Variants in NSRP1 observed in about 807,000 individuals in gnomAD.
NSRP1 encodes coiled-coil domain containing 55.
A neutral mutation model predicts 54.7 loss-of-function variants in NSRP1; 24 were observed. The ratio of observed to expected loss-of-function variants is 0.44; its 90% CI spans 0.32 to 0.62. The LOEUF (loss-of-function observed/expected upper bound fraction) is 0.62, where lower values mean the gene tolerates loss of function less well. Ranked by LOEUF, NSRP1 falls within the 20% of genes least tolerant of loss-of-function variation. NSRP1 has a pLI of 0.06. For missense variants in NSRP1, 596 were observed against 651.2 expected, an observed-to-expected ratio of 0.92 and a Z score of 0.92; for synonymous variants, 210 against 213.8, an observed-to-expected ratio of 0.98 and a Z score of 0.15.
chr17:30,171,934 T>A (rs1031041468), intron 2 of NSRP1, among the ~76,000 whole-genome samples: 50 of 113,418 alleles, frequency 4.4e-4, no homozygotes, highest in East Asian at 1.4e-3. Context: ...TCCCCATTTC[T>A]CACACACACA....
At chr17:30,177,664 C>T (rs1455262722) in intron 3 of NSRP1, among the ~76,000 whole-genome samples, 2 of 152,094 alleles carry the variant, frequency 1.3e-5, no homozygotes, top group Admixed American at 6.5e-5. Context: ...GTGTTTCCAT[C>T]GTACCTTTTG....
At position 30,184,971 on chromosome 17, in the gene NSRP1, C is replaced by T. The variant is rs1905463131; in HGVS notation, c.974C>T (p.Ser325Phe). ...GAAGATCAGCACCAGCAGAAGCAAT[C>T]CAGAGACCAAGAGAACCATTACACT... is the stretch of plus-strand genomic sequence containing the variant. ...KREDQHQQKQ[S>F]RDQENHYTDR... The change falls in exon 7 of 7, where the codon TCC becomes TTC. Residue 325 changes from serine (S) to phenylalanine (F), a missense_variant. Transcript: ENST00000247026. 6.2e-7 allele frequency: 1 copy of T among 1,613,978 alleles called. No individual in the cohort carries two copies. The highest frequency in any genetic ancestry group is 8.5e-7 in the Non-Finnish European group (1 of 1,179,976).
chr17:30,162,394 T>C (rs1251470879), intron 2 of NSRP1, among the ~76,000 whole-genome samples: 1 of 152,200 alleles, frequency 6.6e-6, no homozygotes, highest in Non-Finnish European at 1.5e-5. Flanking sequence ...TATTACATAA[T>C]GAAAATGTTA....
rs35278495 is a variant in NSRP1, at chr17:30,173,206, C to T, written c.171+608C>T. ...CTGGAACCCGTGACCTCAGGTGATC[C>T]GCCAACCTCAGCCTCCTGAAGTGCT... On this transcript the variant is annotated intron_variant, in intron 3 of 6. Coordinates refer to ENST00000247026, the MANE Select transcript of NSRP1 (RefSeq NM_032141.4). Among the ~76,000 whole-genome samples the T allele has an allele frequency of 7.5e-3, 1,139 of 152,264 alleles. 54 individuals are homozygous for T. Among genetic ancestry groups the T allele is most frequent in the Admixed American group, 0.067 (1,026 of 15,292 alleles).
chr17:30,163,187 TTTTGTGTG>T (rs1352756184), intron 2 of NSRP1: 4 of 124,446 alleles, frequency 3.2e-5, no homozygotes, highest in Non-Finnish European at 3.4e-5. Context: ...ATCCGGCTAA[TTTTGTGTG>T]TGTGTGTGTG....
intron 2 of NSRP1, among the ~76,000 whole-genome samples, chr17:30,138,956 C>T (rs977626970): frequency 4.7e-5 from 5 of 105,886 alleles, no homozygotes; most frequent in Admixed American, 3.1e-4. Context: ...CTCGCTTTGT[C>T]GCCCAGGCTG....
At chr17:30,158,308 A>AT (rs35919418) in intron 2 of NSRP1, among the ~76,000 whole-genome samples, 9,275 of 133,744 alleles carry the variant, frequency 0.069, 548 homozygotes, top group African/African-American at 0.17. Flanking sequence ...TTTTAATGGC[A>AT]TTTTTTTTTT....
intron 2 of NSRP1, 76 bp downstream of exon 2, chr17:30,118,249 C>T: frequency 9.0e-7 from 1 of 1,108,060 alleles, no homozygotes; most frequent in Non-Finnish European, 1.4e-6. Context: ...GACTCTGATA[C>T]CTTTGCCTTT....
At chr17:30,182,279 C>T (rs1385667514) in intron 6 of NSRP1, among the ~76,000 whole-genome samples, 1 of 152,126 alleles carries the variant, frequency 6.6e-6, no homozygotes, top group Non-Finnish European at 1.5e-5. Context: ...GTAAGACTTA[C>T]ATATCGGGGC....
At position 30,186,464 on chromosome 17, in the gene NSRP1, T is replaced by G. The variant is rs1409179099; in HGVS notation, c.*790T>G. 1.3e-5 allele frequency: 2 copies of G among 152,244 alleles called. No individual in the cohort carries two copies. Among genetic ancestry groups the G allele is most frequent in the Non-Finnish European group, 2.9e-5 (2 of 68,040 alleles). The allele number at this position is 152,244 out of a possible 1,614,324, so 9.4% of individuals were successfully genotyped here. On this transcript the variant is annotated 3_prime_UTR_variant, in exon 7 of 7. Transcript: ENST00000247026. ...CTTAAATGAAAATAAAATGATATGC[T>G]TATACATTTTATTTATGCATTTATT... is the stretch of plus-strand genomic sequence containing the variant.
intron 2 of NSRP1, among the ~76,000 whole-genome samples, chr17:30,125,495 G>A (rs1451117226): frequency 6.6e-6 from 1 of 152,138 alleles, no homozygotes; most frequent in African/African-American, 2.4e-5. Context: ...TTGCATCCAG[G>A]GTTAGTTTAG....
At chr17:30,161,218 A>C (rs4343336) in intron 2 of NSRP1, among the ~76,000 whole-genome samples, 62,535 of 152,050 alleles carry the variant, frequency 0.41, 14,347 homozygotes, top group East Asian at 0.82. Context: ...ATGTGTACAT[A>C]GGCTTTCATT....
At chr17:30,128,395 G>A (rs1261720207) in intron 2 of NSRP1, among the ~76,000 whole-genome samples, 1 of 151,904 alleles carries the variant, frequency 6.6e-6, no homozygotes, top group Admixed American at 6.6e-5. Context: ...GGACAATAGT[G>A]AGCTACCATT....
intron 5 of NSRP1, 106 bp downstream of exon 5, chr17:30,179,403 C>T: frequency 5.1e-6 from 7 of 1,384,040 alleles, no homozygotes; most frequent in Non-Finnish European, 6.6e-6. Flanking sequence ...AGTTTGTGAT[C>T]ATAATTTATA....
At chr17:30,141,544 T>A (rs905032923) in intron 2 of NSRP1, among the ~76,000 whole-genome samples, 1 of 152,246 alleles carries the variant, frequency 6.6e-6, no homozygotes, top group Non-Finnish European at 1.5e-5. Flanking sequence ...TCTTAATAAA[T>A]GGTCACATTT....
At chr17:30,142,311 T>A (rs9916387) in intron 2 of NSRP1, among the ~76,000 whole-genome samples, 12,806 of 152,228 alleles carry the variant, frequency 0.084, 1,704 homozygotes, top group African/African-American at 0.29. Flanking sequence ...ATTACTTTTT[T>A]AAAAATGTAT....
At chr17:30,131,391 G>A (rs1001167702) in intron 2 of NSRP1, among the ~76,000 whole-genome samples, 38 of 152,278 alleles carry the variant, frequency 2.5e-4, no homozygotes, top group Middle Eastern at 3.4e-3. Context: ...AAGATACACA[G>A]GTATACCTCA....
chr17:30,125,593 G>A (rs1384118027), intron 2 of NSRP1, among the ~76,000 whole-genome samples: 1 of 152,182 alleles, frequency 6.6e-6, no homozygotes, highest in East Asian at 1.9e-4. Context: ...TGTCATCCAG[G>A]CTGGAGTGCA....
intron 2 of NSRP1, among the ~76,000 whole-genome samples, chr17:30,170,309 T>C (rs530946442): frequency 6.6e-6 from 1 of 152,310 alleles, no homozygotes; most frequent in Non-Finnish European, 1.5e-5. Context: ...TACATACTTT[T>C]TTTGTTTCTG....
Sources: allele counts gnomAD v4.1 joint callset (sites outside exome capture counted in the v4.1 genomes callset), GRCh38; gene constraint gnomAD v4.1.1; transcripts MANE v1.5; gene names NCBI Gene and HGNC (gene_info 2026-07-23, HGNC 2026-07-21).